Variants in GUCY2F observed in about 807,000 individuals in gnomAD.
The protein encoded by GUCY2F is retinal guanylyl cyclase 2.
Under a neutral mutation model 73.1 loss-of-function variants are expected in GUCY2F, and 61 were observed. That is an observed-to-expected ratio of 0.83 (90% CI 0.68 to 1.03). GUCY2F has a LOEUF of 1.03. Ranked by LOEUF, GUCY2F falls within the 50% of genes least tolerant of loss-of-function variation. GUCY2F has a pLI of 0.00. For synonymous variants in GUCY2F, 331 were observed against 307.8 expected (o/e 1.08, Z -0.79); for missense variants, 912 against 854.3 (o/e 1.07, Z -0.84).
At chrX:109,443,366 A>C (rs923724994) in intron 6 of GUCY2F, among the ~76,000 whole-genome samples, 33 of 111,844 alleles carry the variant, frequency 3.0e-4, no homozygotes, top group Middle Eastern at 9.2e-3. Context: ...CCCTTATAAG[A>C]GTATACCAAT....
intron 8 of GUCY2F, among the ~76,000 whole-genome samples, chrX:109,425,018 C>A (rs960862231): frequency 9.0e-6 from 1 of 111,294 alleles, no homozygotes; most frequent in Non-Finnish European, 1.9e-5. Context: ...CCACCTGCCT[C>A]GGGCTCCCAA....
intron 17 of GUCY2F, among the ~76,000 whole-genome samples, chrX:109,380,792 C>T (rs747477221): frequency 3.6e-5 from 4 of 112,034 alleles, no homozygotes; most frequent in Admixed American, 1.9e-4. Flanking sequence ...GATGCATTTT[C>T]GTTTTTCAGT....
Position 109,465,176 on chromosome X carries a change from C to T in GUCY2F, c.998G>A (p.Arg333Lys), listed in dbSNP as rs1168894338. 1 of 1,208,545 alleles carries T rather than the reference C, an allele frequency of 8.3e-7. No homozygotes were observed. Among genetic ancestry groups the T allele is most frequent in the Non-Finnish European group, 1.1e-6 (1 of 893,950 alleles). Residue 333 changes from arginine to lysine, a missense_variant, in exon 3 of 20, where the codon AGA (arginine) becomes AAA (lysine). Physicochemically the swap from Arg to Lys is conservative, Grantham distance 26. Coordinates refer to ENST00000218006, the MANE Select transcript of GUCY2F (RefSeq NM_001522.3). ...CTCCAGCTTCTCAGGAATTTCACCT[C>T]TTGCTGCTGCCTCTGTGAAGGCTTG... ...FYQAFTEAAA[R>K]GEIPEKLEFD... is the part of the protein sequence containing the mutation.
intron 11 of GUCY2F, among the ~76,000 whole-genome samples, chrX:109,398,284 GA>G (rs1269271497): frequency 9.0e-6 from 1 of 110,526 alleles, no homozygotes; most frequent in Admixed American, 9.6e-5. Context: ...AAATTAAAAA[GA>G]AAAACAAAAG....
At position 109,421,118 on chromosome X, in the gene GUCY2F, A is replaced by G. The variant is rs1002151203; in HGVS notation, c.1791+9189T>C. Among the ~76,000 whole-genome samples the G allele has an allele frequency of 3.6e-5, 4 of 111,842 alleles. 1 individual carries two copies. Among genetic ancestry groups the G allele is most frequent in the Non-Finnish European group, 7.6e-5 (4 of 52,824 alleles). ...CTACAGAAAATAAGTGTTGGCAAAC[A>G]TGTGGAGAAATTGGAACACTTGTGC... On this transcript the variant is annotated intron_variant, in intron 8 of 19. Transcript: ENST00000218006.
intron 8 of GUCY2F, among the ~76,000 whole-genome samples, chrX:109,412,300 G>A (rs1021161583): frequency 7.2e-5 from 8 of 111,547 alleles, no homozygotes; most frequent in African/African-American, 9.8e-5. Flanking sequence ...AACACGGAAC[G>A]GATGGTGGGC....
intron 16 of GUCY2F, among the ~76,000 whole-genome samples, chrX:109,384,324 G>A (rs1481498888): frequency 9.0e-6 from 1 of 111,731 alleles, no homozygotes; most frequent in Non-Finnish European, 1.9e-5. Context: ...TCCCTTTTTT[G>A]GTACAAAATC....
rs375898759 is a variant in GUCY2F, at chrX:109,392,007, G to C, written c.2685C>G (p.Thr895=). The C allele has an allele frequency of 1.6e-5, 19 of 1,203,839 alleles. No homozygotes were observed. In the African/African-American group the frequency reaches 3.0e-4, roughly 19 times the overall value. The change falls in exon 14 of 20, where the codon ACC becomes ACG. Residue 895 remains threonine (T), a synonymous_variant. Transcript: ENST00000218006. ...LYFSDIVGFT[T]ISAMSEPIEV... ...CAATGGGCTCACTCATGGCTGAAAT[G>C]GTTGTGAAGCCCACAATGTCGCTGA...
rs1309717008 is a variant in GUCY2F at position 109,475,919 on chromosome X, C to A, written c.18G>T (p.Gly6=). The A allele has an allele frequency of 8.3e-7, 1 of 1,202,923 alleles. No individual in the cohort carries two copies. Among genetic ancestry groups the A allele is most frequent in the African/African-American group, 1.8e-5 (1 of 56,694 alleles). Residue 6 remains glycine, a synonymous_variant, in exon 2 of 20, where the codon GGG becomes GGT. Transcript: ENST00000218006. MFLGL[G]RFSRLVLWFA... ...ACCAGAGAACAAGGCGAGAAAAGCG[C>A]CCGAGTCCCAGGAACATAGCCCTCC...
In GUCY2F at chrX:109,448,056, G is replaced by A. The variant is rs757755548; in HGVS notation, c.1569+13C>T. ...TGTTGGACAGGGCAGCAAAAGAAGA[G>A]GATACTCCTTACCTTACTGCCAAAG... On this transcript the variant is annotated intron_variant, in intron 6 of 19. Transcript: ENST00000218006. The A allele has an allele frequency of 1.2e-6, 1 of 843,695 alleles. No individual in the cohort carries two copies. Among genetic ancestry groups the A allele is most frequent in the East Asian group, 3.1e-5 (1 of 31,950 alleles). The allele number at this position is 843,695 out of a possible 1,213,427, so 69.5% of individuals were successfully genotyped here.
At chrX:109,420,234 G>C (rs1456911952) in intron 8 of GUCY2F, among the ~76,000 whole-genome samples, 1 of 75,636 alleles carries the variant, frequency 1.3e-5, no homozygotes, top group Non-Finnish European at 2.5e-5. Flanking sequence ...AAAAAAAAAA[G>C]AAGAAGAAGA....
intron 3 of GUCY2F, among the ~76,000 whole-genome samples, chrX:109,457,269 C>T (rs1163578158): frequency 1.8e-5 from 2 of 111,691 alleles, no homozygotes; most frequent in Admixed American, 9.5e-5. Flanking sequence ...CATAATGGTT[C>T]GTGCTGTTTT....
At position 109,475,699 on chromosome X, in the gene GUCY2F, T is replaced by C; in HGVS notation, c.238A>G (p.Ile80Val). The C allele has an allele frequency of 1.7e-6, 2 of 1,211,274 alleles. No homozygotes were observed. The highest frequency in any genetic ancestry group is 1.8e-5 in the South Asian group (1 of 56,926). Reference protein sequence around the residue: ...ALPEVAARLAIERINRDPSFD... With the variant: ...ALPEVAARLAVERINRDPSFD... The stretch of plus-strand genomic sequence containing the variant: ...GATGGGTCCCGGTTGATTCGCTCAA[T>C]GGCTAATCGCGCAGCAACCTCAGGC... Residue 80 changes from isoleucine (I) to valine (V), a missense_variant, in exon 2 of 20, where the codon ATT becomes GTT. By Grantham distance (29) the Ile-to-Val change is conservative. Coordinates refer to ENST00000218006, the MANE Select transcript of GUCY2F (RefSeq NM_001522.3).
chrX:109,476,062 T>C, intron 1 of GUCY2F, 41 bp from the exon 2 acceptor site: 1 of 562,436 alleles, frequency 1.8e-6, no homozygotes, highest in Non-Finnish European at 2.6e-6. Context: ...ACATTATTTC[T>C]GAAGCTTCTG....
chrX:109,465,165 G>A lies in GUCY2F; in HGVS notation c.1009C>T (p.Pro337Ser), dbSNP rs1932439212. 3.0e-5 allele frequency: 36 copies of A among 1,207,315 alleles called. No individual in the cohort carries two copies. Among genetic ancestry groups the A allele is most frequent in the Non-Finnish European group, 3.8e-5 (34 of 893,049 alleles). ...FTEAAARGEI[P>S]EKLEFDQVSP... ...ACTTGATCGAACTCCAGCTTCTCAG[G>A]AATTTCACCTCTTGCTGCTGCCTCT... The change falls in exon 3 of 20, where the codon CCT (proline) becomes TCT (serine). Residue 337 changes from proline to serine, a missense_variant. Pro to Ser is a moderately conservative substitution (Grantham distance 74). Transcript: ENST00000218006.
intron 8 of GUCY2F, among the ~76,000 whole-genome samples, chrX:109,421,615 T>G (rs1201083449): frequency 1.8e-5 from 2 of 111,551 alleles, no homozygotes; most frequent in Non-Finnish European, 3.8e-5. Flanking sequence ...AAGATCAGAT[T>G]TGCAAGATGA....
chrX:109,462,115 A>T (rs146717812), intron 3 of GUCY2F, among the ~76,000 whole-genome samples: 59 of 112,776 alleles, frequency 5.2e-4, no homozygotes, highest in African/African-American at 1.7e-3. Context: ...AAAGGAGAAA[A>T]AGTGGAAAGA....
At chrX:109,458,635 A>G (rs1376212565) in intron 3 of GUCY2F, among the ~76,000 whole-genome samples, 1 of 110,827 alleles carries the variant, frequency 9.0e-6, no homozygotes, top group African/African-American at 3.3e-5. Context: ...GAAATGGAAA[A>G]ACTGTTCTCC....
In GUCY2F at chrX:109,396,825, G is replaced by A. The variant is rs779369034; in HGVS notation, c.2276-1336C>T. 6.2e-5 allele frequency among the ~76,000 whole-genome samples: 7 copies of A among 112,056 alleles called. No individual in the cohort carries two copies. The South Asian group carries it at 2.6e-3, about 42-fold the overall frequency. ...GTAATGATTTCTCCATTACAGCATCGTGCTCTCAGTACAACAGATTCCATG... is the reference window on the plus strand; with the variant it reads ...GTAATGATTTCTCCATTACAGCATCATGCTCTCAGTACAACAGATTCCATG... On this transcript the variant is annotated intron_variant, in intron 11 of 19. Transcript: ENST00000218006.
Sources: allele counts gnomAD v4.1 joint callset (sites outside exome capture counted in the v4.1 genomes callset), GRCh38; gene constraint gnomAD v4.1.1; transcripts MANE v1.5; gene names NCBI Gene and HGNC (gene_info 2026-07-23, HGNC 2026-07-21).